UTP20: variants seen among roughly 807,000 people sequenced by gnomAD.
UTP20 encodes small subunit processome component 20 homolog.
Under a neutral mutation model 329.5 loss-of-function variants are expected in UTP20, and 164 were observed. The observed-to-expected ratio is 0.50, with a 90% CI of 0.44 to 0.57. The LOEUF is 0.57. Ranked by LOEUF, UTP20 falls within the 20% of genes least tolerant of loss-of-function variation. The probability of loss-of-function intolerance (pLI) is 0.00; values close to 1 mark genes in which losing one functional copy is unlikely to be tolerated. For missense variants in UTP20, 3,055 were observed against 3,284.2 expected, an observed-to-expected ratio of 0.93 and a Z score of 1.71; for synonymous variants, 1,151 against 1,159.3, an observed-to-expected ratio of 0.99 and a Z score of 0.14.
chr12:101,376,005 A>G (rs1469778655), intron 56 of UTP20, among the ~76,000 whole-genome samples: 2 of 150,700 alleles, frequency 1.3e-5, no homozygotes, highest in African/African-American at 4.8e-5. Flanking sequence ...ATAATTTCAG[A>G]TATGTATCTC....
intron 28 of UTP20, among the ~76,000 whole-genome samples, chr12:101,333,895 C>T (rs1868845547): frequency 6.6e-6 from 1 of 152,206 alleles, no homozygotes; most frequent in Non-Finnish European, 1.5e-5. Context: ...AACTCCTGAC[C>T]TCAGGTGATC....
At position 101,310,595 on chromosome 12, in the gene UTP20, A is replaced by AAAAAAAAAAAAAAG. The variant is rs1330692306; in HGVS notation, c.2231+759_2231+760insAAAAAAAAAAGAAA. 3.9e-4 allele frequency among the ~76,000 whole-genome samples: 48 copies of AAAAAAAAAAAAAAG among 121,730 alleles called. 2 individuals are homozygous for AAAAAAAAAAAAAAG. In the South Asian group the frequency reaches 5.4e-3, roughly 14 times the overall value. 79.9% of individuals were successfully genotyped at this position (121,730 alleles called of 152,430 possible). On this transcript the variant is annotated intron_variant, in intron 19 of 61. Coordinates refer to ENST00000261637, the MANE Select transcript of UTP20 (RefSeq NM_014503.3). ...TGTCTCCCAAAAAAAAAAAAAAAAAAAAATACATGTTATGGCTCATGTGTA... is the reference window on the plus strand; with the variant it reads ...TGTCTCCCAAAAAAAAAAAAAAAAAAAAAAAAAAAAAAAGAAATACATGTTATGGCTCATGTGTA...
rs779027623 is a variant in UTP20 at position 101,285,841 on chromosome 12, C to G, written c.286C>G (p.Leu96Val). The G allele has an allele frequency of 4.3e-6, 7 of 1,613,754 alleles. No homozygotes were observed. The highest frequency in any genetic ancestry group is 2.7e-5 in the African/African-American group (2 of 74,910). Residue 96 changes from leucine (L) to valine (V), a missense_variant, in exon 4 of 62, where the codon CTG becomes GTG. Leu to Val is a conservative substitution (Grantham distance 32). Coordinates refer to ENST00000261637, the MANE Select transcript of UTP20 (RefSeq NM_014503.3). ...GATAGTTCAGAGTTTGAAGACTCAC[C>G]TGCAAGTTAAGAACAGTTTTGCCTA... is the stretch of plus-strand genomic sequence containing the variant. ...NEIVQSLKTH[L>V]QVKNSFAYQP...
Position 101,286,194 on chromosome 12 carries a change from T to C in UTP20, c.327-127T>C. On this transcript the variant is annotated intron_variant, in intron 4 of 61. Coordinates refer to ENST00000261637, the MANE Select transcript of UTP20 (RefSeq NM_014503.3). Reference sequence around the variant, plus strand: ...TAAGATTTAAAGAATTTTATAATTTTTCAGACTTGATTTAGAAGTATTTTT... The same window carrying C: ...TAAGATTTAAAGAATTTTATAATTTCTCAGACTTGATTTAGAAGTATTTTT... The C allele has an allele frequency of 3.2e-6, 3 of 939,922 alleles. No homozygotes were observed. The Admixed American group carries it at 8.1e-5, about 25-fold the overall frequency. 58.2% of individuals were successfully genotyped at this position (939,922 alleles called of 1,614,324 possible).
intron 15 of UTP20, among the ~76,000 whole-genome samples, chr12:101,303,600 C>G (rs1265830447): frequency 6.6e-6 from 1 of 152,138 alleles, no homozygotes. Flanking sequence ...GAGAGGTCAT[C>G]TTGGCTGAGC....
chr12:101,326,327 AT>A (rs1267967270), intron 25 of UTP20, among the ~76,000 whole-genome samples: 1 of 152,182 alleles, frequency 6.6e-6, no homozygotes, highest in African/African-American at 2.4e-5. Context: ...ACCCTTCTCA[AT>A]ATCACAATTA....
chr12:101,314,649 C>A (rs1314088211), intron 21 of UTP20, among the ~76,000 whole-genome samples: 2 of 142,448 alleles, frequency 1.4e-5, no homozygotes, highest in Non-Finnish European at 3.0e-5. Flanking sequence ...CAGAGCGAGA[C>A]TCTGTCTCAA....
chr12:101,363,816 G>T, intron 45 of UTP20, 73 bp downstream of exon 45: 1 of 1,000,754 alleles, frequency 1.0e-6, no homozygotes, highest in Non-Finnish European at 1.5e-6. Context: ...ACCATGCGGG[G>T]CAAACTGAAA....
intron 40 of UTP20, among the ~76,000 whole-genome samples, chr12:101,354,261 C>CAA (rs71091489): frequency 2.5e-3 from 199 of 79,600 alleles, no homozygotes; most frequent in Non-Finnish European, 3.0e-3. Context: ...GACTCTGTCT[C>CAA]AAAAAAAAAA....
At chr12:101,332,675 G>A (rs1868798313) in intron 27 of UTP20, among the ~76,000 whole-genome samples, 1 of 152,020 alleles carries the variant, frequency 6.6e-6, no homozygotes, top group Non-Finnish European at 1.5e-5. Context: ...ATTTTTCTTT[G>A]AACTATGTAT....
intron 14 of UTP20, 45 bp from the exon 15 acceptor site, chr12:101,302,403 T>C: frequency 2.5e-6 from 3 of 1,195,744 alleles, no homozygotes; most frequent in Non-Finnish European, 3.7e-6. Context: ...GTTAATAATG[T>C]CAAAGAAATA....
At chr12:101,345,716 T>C in intron 37 of UTP20, 22 bp downstream of exon 37, 1 of 1,597,636 alleles carries the variant, frequency 6.3e-7, no homozygotes, top group East Asian at 2.2e-5. Context: ...TTCTGCTTTT[T>C]CCTACCTACG....
rs1242776766 is a variant in UTP20 at position 101,375,628 on chromosome 12, T to C, written c.7268T>C (p.Met2423Thr). Residue 2423 changes from methionine (M) to threonine (T), a missense_variant, in exon 56 of 62, where the codon ATG becomes ACG. Met to Thr is a moderately conservative substitution (Grantham distance 81). Transcript: ENST00000261637. ...EIDPENFKDI[M>T]EETEEKAADR... ...TTACATCCGTCTTGTTTTTAGATCA[T>C]GGAAGAAACTGAAGAAAAAGCTGCA... The C allele has an allele frequency of 1.2e-6, 2 of 1,610,590 alleles. No individual in the cohort carries two copies. Among genetic ancestry groups the C allele is most frequent in the Non-Finnish European group, 1.7e-6 (2 of 1,179,166 alleles).
chr12:101,337,879 G>A (rs533043000), intron 29 of UTP20, among the ~76,000 whole-genome samples, 172 bp from the exon 30 acceptor site: 3 of 152,176 alleles, frequency 2.0e-5, no homozygotes, highest in South Asian at 4.2e-4. Context: ...ATGTTTGTAA[G>A]GTAATACTTA....
At chr12:101,383,872 AAG>A (rs1870744199) in intron 60 of UTP20, among the ~76,000 whole-genome samples, 1 of 150,904 alleles carries the variant, frequency 6.6e-6, no homozygotes, top group Non-Finnish European at 1.5e-5. Flanking sequence ...ACATTTAAAA[AAG>A]AGAGAGAGAT....
In UTP20 at chr12:101,383,294, C is replaced by T. The variant is rs1565810788; in HGVS notation, c.7910C>T (p.Ser2637Leu). 6.2e-6 allele frequency: 10 copies of T among 1,613,856 alleles called. No homozygotes were observed. Among genetic ancestry groups the T allele is most frequent in the Admixed American group, 1.7e-5 (1 of 59,966 alleles). Residue 2637 changes from serine to leucine, a missense_variant, in exon 59 of 62, where the codon TCG becomes TTG. Physicochemically the swap from Ser to Leu is moderately radical, Grantham distance 145. Around this residue, in one of 3 missense-constraint regions of UTP20, gnomAD observed 337 missense variants for 345.5 expected, o/e 0.98. Transcript: ENST00000261637. ...SRIAKLEAAY[S>L]PRNPLKRTCI... ...ATTGCAAAACTGGAAGCTGCTTATTCGCCGAGAAACCCCTTAAAGGTGCGA... is the reference window on the plus strand; with the variant it reads ...ATTGCAAAACTGGAAGCTGCTTATTTGCCGAGAAACCCCTTAAAGGTGCGA...
At position 101,286,294 on chromosome 12, in the gene UTP20, G is replaced by T. The variant is rs956043330; in HGVS notation, c.327-27G>T. 19 of 1,537,564 alleles carry T rather than the reference G, an allele frequency of 1.2e-5. No individual in the cohort carries two copies. The Admixed American group carries it at 2.4e-4, about 19-fold the overall frequency. On this transcript the variant is annotated intron_variant, in intron 4 of 61. Transcript: ENST00000261637. ...TGTAGCCTTTTAAAAAAATCCACATGATCAGTTGCTTCTTTTTTTAATCCA... is the reference window on the plus strand; with the variant it reads ...TGTAGCCTTTTAAAAAAATCCACATTATCAGTTGCTTCTTTTTTTAATCCA...
chr12:101,317,505 AG>A lies in UTP20; in HGVS notation c.2581del (p.Val861LeufsTer55). ...ATGAGTATTACCCAGCAGATCTGCA[AG>A]TTGCTCCAACCCAGGATCTACGGAG... Reference protein sequence around the residue: ...NNEYYPADLQVAPTQDLRRKG... With the variant: ...NNEYYPADLQXAPTQDLRRKG... On this transcript the variant is annotated frameshift_variant, in exon 22 of 62. Coordinates refer to ENST00000261637, the MANE Select transcript of UTP20 (RefSeq NM_014503.3). LOFTEE classifies it high-confidence loss of function. 6.2e-7 allele frequency: 1 copy of A among 1,614,156 alleles called. No individual in the cohort carries two copies. The highest frequency in any genetic ancestry group is 8.5e-7 in the Non-Finnish European group (1 of 1,180,008).
At position 101,329,422 on chromosome 12, in the gene UTP20, A is replaced by G. The variant is rs767281466; in HGVS notation, c.3390A>G (p.Val1130=). 6.2e-7 allele frequency: 1 copy of G among 1,613,480 alleles called. No homozygotes were observed. The highest frequency in any genetic ancestry group is 8.5e-7 in the Non-Finnish European group (1 of 1,179,466). ...LQILLCMTAT[V]SHILDQREKI... is the part of the protein sequence containing the mutation. ...TACTGCTCTGTATGACAGCAACCGT[A>G]TCACACATCCTTGACCAACGAGAAA... Residue 1130 remains valine, a synonymous_variant, in exon 27 of 62, where the codon GTA becomes GTG. Coordinates refer to ENST00000261637, the MANE Select transcript of UTP20 (RefSeq NM_014503.3).
Sources: allele counts gnomAD v4.1 joint callset (sites outside exome capture counted in the v4.1 genomes callset), GRCh38; gene constraint gnomAD v4.1.1; regional missense constraint gnomAD v4.1.1; transcripts MANE v1.5; gene names NCBI Gene and HGNC (gene_info 2026-07-23, HGNC 2026-07-21).